The following MAN2B1 variants were observed in gnomAD, a reference collection of about 807,000 sequenced individuals.
The protein encoded by MAN2B1 is lysosomal alpha-mannosidase.
A neutral mutation model predicts 127.5 loss-of-function variants in MAN2B1; 99 were observed. The observed-to-expected ratio is 0.78, with a 90% CI of 0.66 to 0.92. The LOEUF (loss-of-function observed/expected upper bound fraction) is 0.92, where lower values mean the gene tolerates loss of function less well. Ranked by LOEUF, MAN2B1 falls within the 40% of genes least tolerant of loss-of-function variation. MAN2B1 has a pLI of 0.00. For synonymous variants in MAN2B1, 573 were observed against 568.8 expected (o/e 1.01, Z -0.11); for missense variants, 1,304 against 1,384.8 (o/e 0.94, Z 0.93).
chr19:12,648,072 A>G, intron 21 of MAN2B1, 103 bp downstream of exon 21: 3 of 1,215,206 alleles, frequency 2.5e-6, no homozygotes, highest in South Asian at 2.6e-5. Context: ...GGGGCTAATT[A>G]TGGCCAAATG....
intron 7 of MAN2B1, among the ~76,000 whole-genome samples, chr19:12,660,162 G>C (rs1471706948): frequency 6.6e-6 from 1 of 152,146 alleles, no homozygotes; most frequent in Non-Finnish European, 1.5e-5. Flanking sequence ...CATGGCAAAA[G>C]GGGAATTAAG....
Position 12,647,140 on chromosome 19 carries a change from G to T in MAN2B1, c.2923+93C>A. On this transcript the variant is annotated intron_variant, in intron 23 of 23. Coordinates refer to ENST00000456935, the MANE Select transcript of MAN2B1 (RefSeq NM_000528.4). This position sits in a 1 kb window ranked among gnomAD's most constrained non-coding sequence, Gnocchi z 4.9. Reference sequence around the variant, plus strand: ...CCCCATACCCTCATGACCTTTTTGGGTCCTGGCCAACATCCCATGCCTCAC... The same window carrying T: ...CCCCATACCCTCATGACCTTTTTGGTTCCTGGCCAACATCCCATGCCTCAC... 1 of 1,229,322 alleles carries T rather than the reference G, an allele frequency of 8.1e-7. No homozygotes were observed. The allele number at this position is 1,229,322 out of a possible 1,614,324, so 76.2% of individuals were successfully genotyped here. A position where few individuals can be genotyped will look rare whatever the true frequency, so the allele number is the denominator to read the frequency against.
chr19:12,665,062 G>T, intron 3 of MAN2B1, 77 bp from the exon 4 acceptor site: 1 of 1,350,386 alleles, frequency 7.4e-7, no homozygotes, highest in Non-Finnish European at 1.0e-6. Flanking sequence ...CTGGGAATGT[G>T]AAAGCCTGCC....
chr19:12,662,948 A>AAT (rs1555709404), intron 6 of MAN2B1, among the ~76,000 whole-genome samples: 3 of 149,816 alleles, frequency 2.0e-5, no homozygotes, highest in African/African-American at 4.9e-5. Flanking sequence ...AAAAAAAAAA[A>AAT]AATAATAATA....
At chr19:12,663,204 A>G in intron 6 of MAN2B1, 113 bp downstream of exon 6, 1 of 1,301,144 alleles carries the variant, frequency 7.7e-7, no homozygotes, top group South Asian at 1.2e-5. Context: ...ACAGAGTAAG[A>G]CTGTCTCAAA....
At chr19:12,664,542 C>T (rs888902309) in intron 4 of MAN2B1, among the ~76,000 whole-genome samples, 2 of 152,178 alleles carry the variant, frequency 1.3e-5, no homozygotes, top group Admixed American at 6.5e-5. Context: ...GGGGCCAGAA[C>T]ACCAAGAGGG....
At chr19:12,664,237 A>G (rs1196844809) in intron 4 of MAN2B1, among the ~76,000 whole-genome samples, 1 of 152,174 alleles carries the variant, frequency 6.6e-6, no homozygotes, top group Non-Finnish European at 1.5e-5. Flanking sequence ...AAACAAAAAC[A>G]AAAACACGTA....
rs373864097 is a variant in MAN2B1 at position 12,663,476 on chromosome 19, C to A, written c.764-14G>T. On this transcript the variant is annotated splice_polypyrimidine_tract_variant and intron_variant, in intron 5 of 23. Coordinates refer to ENST00000456935, the MANE Select transcript of MAN2B1 (RefSeq NM_000528.4). ...TGGGAAGCACACCTGCAGGTCACAC[C>A]AAGTTCAAGGGGTGGCCCATCACCC... 2.5e-5 allele frequency: 40 copies of A among 1,613,242 alleles called. No homozygotes were observed. The highest frequency in any genetic ancestry group is 3.0e-5 in the Non-Finnish European group (35 of 1,179,868).
intron 7 of MAN2B1, among the ~76,000 whole-genome samples, chr19:12,660,406 A>G (rs10415457): frequency 0.41 from 62,645 of 151,888 alleles, 14,032 homozygotes; most frequent in African/African-American, 0.56. Flanking sequence ...GGAGGCTGAG[A>G]CAGAAGAATC....
In MAN2B1 at chr19:12,661,380, C is replaced by A. The variant is rs1384001200; in HGVS notation, c.910-4G>T. The A allele has an allele frequency of 9.4e-6, 15 of 1,595,350 alleles. No individual in the cohort carries two copies. Among genetic ancestry groups the A allele is most frequent in the Non-Finnish European group, 1.3e-5 (15 of 1,162,916 alleles). On this transcript the variant is annotated splice_region_variant and splice_polypyrimidine_tract_variant and intron_variant, in intron 6 of 23. Coordinates refer to ENST00000456935, the MANE Select transcript of MAN2B1 (RefSeq NM_000528.4). ...GGTTGGTGCGGTAATACCGGCCCTG[C>A]AGGCAAGAGGGGAGTCCTGAAGCCA...
At position 12,657,022 on chromosome 19, in the gene MAN2B1, C is replaced by G. The variant is rs373553609; in HGVS notation, c.1454G>C (p.Gly485Ala). The change falls in exon 12 of 24, where the codon GGC (glycine) becomes GCC (alanine). Residue 485 changes from glycine to alanine, a missense_variant. Coordinates refer to ENST00000456935, the MANE Select transcript of MAN2B1 (RefSeq NM_000528.4). ...GCAAAAGGTGAAGTGATCTTTGAAG[C>G]CTCTGAGCCGCGCCAGCGCGTTGCT... ...LLSNALARLR[G>A]FKDHFTFCQQ... is the part of the protein sequence containing the mutation. The G allele has an allele frequency of 6.2e-7, 1 of 1,613,252 alleles. No individual in the cohort carries two copies. The highest frequency in any genetic ancestry group is 8.5e-7 in the Non-Finnish European group (1 of 1,179,906).
Position 12,656,653 on chromosome 19 carries a change from T to A in MAN2B1, c.1562A>T (p.Lys521Met). The A allele has an allele frequency of 6.2e-7, 1 of 1,613,906 alleles. No homozygotes were observed. Among genetic ancestry groups the A allele is most frequent in the Non-Finnish European group, 8.5e-7 (1 of 1,179,900 alleles). ...CGGCAGCCGTACCATCCAATTCACC[T>A]TCCGCCCCAGGGGATTATAAACGAT... ...QVIVYNPLGRKVNWMVRLPVS... is the reference protein window; with the variant it reads ...QVIVYNPLGRMVNWMVRLPVS... Residue 521 changes from lysine to methionine, a missense_variant, in exon 13 of 24, where the codon AAG (lysine) becomes ATG (methionine). By Grantham distance (95) the Lys-to-Met change is moderately conservative. Transcript: ENST00000456935.
At position 12,658,384 on chromosome 19, in the gene MAN2B1, C is replaced by T. The variant is rs372359076; in HGVS notation, c.1110-40G>A. 3.5e-4 allele frequency: 564 copies of T among 1,614,088 alleles called. 1 individual carries two copies. Among genetic ancestry groups the T allele is most frequent in the Non-Finnish European group, 4.6e-4 (543 of 1,180,044 alleles). ...GCATTGAGGGCAGGGTCATGACCCA[C>T]GGGGCATGCCAACCCCCCCAAGCTC... On this transcript the variant is annotated intron_variant, in intron 8 of 23. Transcript: ENST00000456935.
In MAN2B1 at chr19:12,655,864, T is replaced by C. The variant is rs373101689; in HGVS notation, c.1660A>G (p.Ser554Gly). ...GGAGGGTGCGCCTGGCTGTCTGAGC[T>C]GGGAAATATTACCACCTCGGATAAA... ...TVPSDVVIFP[S>G]SDSQAHPPEL... The change falls in exon 14 of 24, where the codon AGC becomes GGC. Residue 554 changes from serine (S) to glycine (G), a missense_variant. Physicochemically the swap from Ser to Gly is moderately conservative, Grantham distance 56 (BLOSUM62 0). Transcript: ENST00000456935. 98 of 1,613,486 alleles carry C rather than the reference T, an allele frequency of 6.1e-5. No homozygotes were observed. The highest frequency in any genetic ancestry group is 8.1e-5 in the Non-Finnish European group (95 of 1,179,942).
At chr19:12,661,052 C>G in intron 7 of MAN2B1, 3 of 500,094 alleles carry the variant, frequency 6.0e-6, no homozygotes, top group Admixed American at 5.3e-5. Flanking sequence ...CCATTGCGCC[C>G]GGCCTCATGC....
chr19:12,648,284 G>A lies in MAN2B1; in HGVS notation c.2555C>T (p.Ala852Val). Residue 852 changes from alanine to valine, a missense_variant, in exon 21 of 24, where the codon GCA (alanine) becomes GTA (valine). By Grantham distance (64) the Ala-to-Val change is moderately conservative. Transcript: ENST00000456935. Reference protein sequence around the residue: ...HLVLLDTAQAAAAGHRLLAEQ... With the variant: ...HLVLLDTAQAVAAGHRLLAEQ... ...CGCCAGGAGCCGGTGTCCGGCGGCT[G>A]CAGCCTGGGCTGTGTCCAGCAGCAC... 5.6e-6 allele frequency: 9 copies of A among 1,610,986 alleles called. No individual in the cohort carries two copies. Among genetic ancestry groups the A allele is most frequent in the Non-Finnish European group, 7.6e-6 (9 of 1,179,268 alleles).
rs1292771708 is a variant in MAN2B1 at position 12,649,996 on chromosome 19, C to T, written c.2184G>A (p.Glu728=). The T allele has an allele frequency of 2.5e-6, 4 of 1,613,938 alleles. No individual in the cohort carries two copies. Among genetic ancestry groups the T allele is most frequent in the South Asian group, 1.1e-5 (1 of 91,090 alleles). ...GCGGTGTGTCAAAACGGCTGATGAC[C>T]TCCTTCCCCCAGGTGTCGCTGTACC... ...PIPVGDTWGK[E]VISRFDTPLE... Residue 728 remains glutamate, a synonymous_variant, in exon 18 of 24, where the codon GAG becomes GAA. Transcript: ENST00000456935.
At chr19:12,652,839 T>A (rs936131909) in intron 14 of MAN2B1, among the ~76,000 whole-genome samples, 3 of 86,370 alleles carry the variant, frequency 3.5e-5, no homozygotes, top group Admixed American at 2.0e-4. Context: ...GCCGGATTTT[T>A]ATTTTTTTTT....
intron 7 of MAN2B1, among the ~76,000 whole-genome samples, chr19:12,660,538 A>T (rs1428991033): frequency 6.6e-6 from 1 of 152,098 alleles, no homozygotes; most frequent in Non-Finnish European, 1.5e-5. Flanking sequence ...GAGAGGCAGA[A>T]GAGGTGAGAA....
Sources: allele counts gnomAD v4.1 joint callset (sites outside exome capture counted in the v4.1 genomes callset), GRCh38; gene constraint gnomAD v4.1.1; non-coding constraint Gnocchi (gnomAD v3.1); transcripts MANE v1.5; gene names NCBI Gene and HGNC (gene_info 2026-07-23, HGNC 2026-07-21).